Variants in MAML2 observed in about 807,000 individuals in gnomAD.
MAML2 encodes the protein mastermind-like protein 2.
A neutral mutation model predicts 96.1 loss-of-function variants in MAML2; 22 were observed. That is an observed-to-expected ratio of 0.23 (90% CI 0.16 to 0.33). MAML2 has a LOEUF of 0.33. Among genes scored for constraint, MAML2 ranks in the 10% least tolerant of loss-of-function variants. The pLI, the probability that MAML2 is intolerant of heterozygous loss-of-function variation, is 1.00. For synonymous variants in MAML2, 561 were observed against 521.3 expected, an observed-to-expected ratio of 1.08 and a Z score of -1.04; for missense variants, 1,367 against 1,392.4, an observed-to-expected ratio of 0.98 and a Z score of 0.29.
intron 1 of MAML2, among the ~76,000 whole-genome samples, chr11:96,301,900 C>T (rs1229862960): frequency 6.6e-6 from 1 of 152,186 alleles, no homozygotes; most frequent in Non-Finnish European, 1.5e-5. Flanking sequence ...ATATGTAGAA[C>T]TTACCAGTTG....
Position 96,092,759 on chromosome 11 carries a change from C to G in MAML2, c.1272G>C (p.Leu424Phe), listed in dbSNP as rs1419394775. 5.0e-6 allele frequency: 8 copies of G among 1,613,534 alleles called. No individual in the cohort carries two copies. Among genetic ancestry groups the G allele is most frequent in the Non-Finnish European group, 5.9e-6 (7 of 1,179,706 alleles). ...CATGGGATACTTCCTGCCAGCTTGG[C>G]AAGGCCCGGCTTGCTCCGGAGCCTG... ...PQTGSGASRA[L>F]PSWQEVSHAQ... The change falls in exon 2 of 5, where the codon TTG (leucine) becomes TTC (phenylalanine). Residue 424 changes from leucine (L) to phenylalanine (F), a missense_variant. Transcript: ENST00000524717. The surrounding 1 kb of genome is among the most constrained non-coding windows in gnomAD (Gnocchi z 4.1).
chr11:96,310,579 A>C (rs1863527863), intron 1 of MAML2, among the ~76,000 whole-genome samples: 1 of 152,214 alleles, frequency 6.6e-6, no homozygotes, highest in Non-Finnish European at 1.5e-5. Context: ...TAAAGCAAGA[A>C]ACATGTAAGC....
intron 1 of MAML2, among the ~76,000 whole-genome samples, chr11:96,236,691 A>G (rs1176460997): frequency 1.3e-5 from 2 of 152,204 alleles, no homozygotes; most frequent in Admixed American, 6.5e-5. Context: ...CAAAGAGAAT[A>G]TATATTAACA....
intron 1 of MAML2, among the ~76,000 whole-genome samples, chr11:96,191,142 T>C (rs1861646761): frequency 6.6e-6 from 1 of 151,946 alleles, no homozygotes; most frequent in Non-Finnish European, 1.5e-5. Context: ...GATTTTTAGG[T>C]AGTAGAGGAG....
chr11:96,290,737 A>G (rs529060721), intron 1 of MAML2, among the ~76,000 whole-genome samples: 8 of 152,298 alleles, frequency 5.3e-5, no homozygotes, highest in South Asian at 4.1e-4. Context: ...TTCACTGCCT[A>G]CTTTCTTAAA....
intron 1 of MAML2, among the ~76,000 whole-genome samples, chr11:96,254,559 G>A (rs1021415864): frequency 3.0e-4 from 45 of 151,326 alleles, no homozygotes; most frequent in Non-Finnish European, 2.9e-5. Context: ...TGATATTCTG[G>A]CTTTACATTG....
intron 1 of MAML2, among the ~76,000 whole-genome samples, chr11:96,176,450 G>A (rs1192416693): frequency 6.6e-6 from 1 of 152,090 alleles, no homozygotes; most frequent in Non-Finnish European, 1.5e-5. Context: ...GTAAAGCAGG[G>A]GACTCATCTT....
chr11:96,031,324 C>A (rs184229337), intron 2 of MAML2, among the ~76,000 whole-genome samples: 180 of 146,606 alleles, frequency 1.2e-3, no homozygotes, highest in Admixed American at 2.1e-3. Context: ...TTATTATTTC[C>A]ATTTAACAGT....
chr11:96,162,921 A>G (rs1423041172), intron 1 of MAML2, among the ~76,000 whole-genome samples: 1 of 152,146 alleles, frequency 6.6e-6, no homozygotes, highest in South Asian at 2.1e-4. Flanking sequence ...TTGTGTAGCT[A>G]TGTCATTATC....
intron 1 of MAML2, among the ~76,000 whole-genome samples, chr11:96,193,231 G>T (rs1861681108): frequency 6.6e-6 from 1 of 152,202 alleles, no homozygotes; most frequent in Non-Finnish European, 1.5e-5. Context: ...GCTGGGCATA[G>T]TGGTGGGTGC....
At chr11:96,324,341 C>T (rs762364558) in intron 1 of MAML2, among the ~76,000 whole-genome samples, 13 of 152,160 alleles carry the variant, frequency 8.5e-5, no homozygotes, top group African/African-American at 1.7e-4. Context: ...ATTCAGAAAA[C>T]GCTTAGAAGA....
At chr11:96,015,751 C>G (rs1277271118) in intron 2 of MAML2, among the ~76,000 whole-genome samples, 1 of 152,142 alleles carries the variant, frequency 6.6e-6, no homozygotes, top group Non-Finnish European at 1.5e-5. Context: ...TGTACTTAGA[C>G]AGACCTGGGT....
chr11:96,092,662 G>C lies in MAML2; in HGVS notation c.1369C>G (p.Gln457Glu). 6.2e-7 allele frequency: 1 copy of C among 1,613,284 alleles called. No homozygotes were observed. Among genetic ancestry groups the C allele is most frequent in the Non-Finnish European group, 8.5e-7 (1 of 1,179,334 alleles). Residue 457 changes from glutamine (Q) to glutamate (E), a missense_variant, in exon 2 of 5, where the codon CAG (glutamine) becomes GAG (glutamate). Coordinates refer to ENST00000524717, the MANE Select transcript of MAML2 (RefSeq NM_032427.4). The surrounding 1 kb of genome is among the most constrained non-coding windows in gnomAD (Gnocchi z 4.1). ...ARMQQHQQQH[Q>E]PTNWSALPSS... Reference sequence around the variant, plus strand: ...GGCAAGGCTGACCAGTTGGTAGGCTGGTGCTGCTGCTGGTGCTGCTGCATC... The same window carrying C: ...GGCAAGGCTGACCAGTTGGTAGGCTCGTGCTGCTGCTGGTGCTGCTGCATC...
rs756213743 is a variant in MAML2, at chr11:95,991,544, G to C, written c.2319C>G (p.Leu773=). The C allele has an allele frequency of 4.3e-6, 7 of 1,613,728 alleles. No homozygotes were observed. In the Admixed American group the frequency reaches 1.2e-4, roughly 27 times the overall value. The change falls in exon 3 of 5, where the codon CTC becomes CTG. Residue 773 remains leucine (L), a synonymous_variant. Coordinates refer to ENST00000524717, the MANE Select transcript of MAML2 (RefSeq NM_032427.4). ...CCGCGTCAGCCAGCATCTGCTGCTG[G>C]AGAAGAAGTTGCTGTTTCTGCTCCA... ...QIMEQKQQLL[L]QQQMLADAEK...
chr11:96,165,008 A>G (rs1169234299), intron 1 of MAML2, among the ~76,000 whole-genome samples: 3 of 152,170 alleles, frequency 2.0e-5, no homozygotes, highest in Non-Finnish European at 4.4e-5. Flanking sequence ...CTTGGAAAAT[A>G]CAGAATATTA....
At chr11:96,251,584 T>C (rs1197366290) in intron 1 of MAML2, among the ~76,000 whole-genome samples, 1 of 152,186 alleles carries the variant, frequency 6.6e-6, no homozygotes, top group African/African-American at 2.4e-5. Context: ...AAAAGACAGG[T>C]ATGTTTTAAC....
intron 1 of MAML2, among the ~76,000 whole-genome samples, chr11:96,190,140 A>C (rs1220105392): frequency 6.6e-6 from 1 of 152,232 alleles, no homozygotes; most frequent in Non-Finnish European, 1.5e-5. Context: ...AGTCTGCAAT[A>C]TCCTAGTATA....
intron 1 of MAML2, among the ~76,000 whole-genome samples, chr11:96,134,116 G>A (rs1565224943): frequency 6.6e-6 from 1 of 152,180 alleles, no homozygotes; most frequent in Non-Finnish European, 1.5e-5. Context: ...CTTTGTAATG[G>A]TTCTCTAAGA....
At chr11:96,126,904 A>G (rs79163313) in intron 1 of MAML2, among the ~76,000 whole-genome samples, 1 of 129,008 alleles carries the variant, frequency 7.8e-6, no homozygotes. Context: ...TGGTATGGAC[A>G]TGGGGGGGGT....
Sources: allele counts gnomAD v4.1 joint callset (sites outside exome capture counted in the v4.1 genomes callset), GRCh38; gene constraint gnomAD v4.1.1; non-coding constraint Gnocchi (gnomAD v3.1); transcripts MANE v1.5; gene names NCBI Gene and HGNC (gene_info 2026-07-23, HGNC 2026-07-21).